The following TSN variants were observed in gnomAD, a reference collection of about 807,000 sequenced individuals.
The protein encoded by TSN is component 3 of promoter of RISC.
A neutral mutation model predicts 29.4 loss-of-function variants in TSN; 5 were observed. The ratio of observed to expected loss-of-function variants is 0.17; its 90% confidence interval spans 0.09 to 0.36. The LOEUF (loss-of-function observed/expected upper bound fraction) is 0.36. Among genes scored for constraint, TSN ranks in the 10% least tolerant of loss-of-function variants. The pLI, the probability that TSN is intolerant of heterozygous loss-of-function variation, is 1.00. For missense variants in TSN, 159 were observed against 272.8 expected, an observed-to-expected ratio of 0.58 and a Z score of 2.94; for synonymous variants, 106 against 102.2, an observed-to-expected ratio of 1.04 and a Z score of -0.23.
At chr2:121,755,970 C>T (rs1303092571) in intron 1 of TSN, 125 bp downstream of exon 1, 8 of 1,526,350 alleles carry the variant, frequency 5.2e-6, no homozygotes, top group Non-Finnish European at 7.0e-6. Context: ...TGCTTCCCCT[C>T]TAGCTTTAGG....
chr2:121,761,993 ATT>A (rs752583785), intron 4 of TSN, among the ~76,000 whole-genome samples: 1 of 129,098 alleles, frequency 7.7e-6, no homozygotes, highest in Admixed American at 7.8e-5. Flanking sequence ...AATTTTTTGT[ATT>A]TTTTTTTTTT....
At chr2:121,757,719 C>G (rs2074770281) in intron 2 of TSN, 1 of 185,960 alleles carries the variant, frequency 5.4e-6, no homozygotes, top group Non-Finnish European at 1.1e-5. Context: ...TGCAGTGGTG[C>G]CATCTCAGCT....
At chr2:121,757,094 T>C (rs1488390782) in intron 1 of TSN, 146 bp from the exon 2 acceptor site, 1 of 717,254 alleles carries the variant, frequency 1.4e-6, no homozygotes, top group Non-Finnish European at 2.2e-6. Context: ...TTTAGTGACT[T>C]TTTGAAGTCT....
At chr2:121,756,602 A>T in intron 1 of TSN, 1 of 1,297,026 alleles carries the variant, frequency 7.7e-7, no homozygotes, top group Non-Finnish European at 1.0e-6. Context: ...TGCTCAGTGA[A>T]TATTTTAAAA....
At position 121,767,041 on chromosome 2, in the gene TSN, A is replaced by G. The variant is rs2074910812; in HGVS notation, c.*1674A>G. 1 of 152,210 alleles carries G rather than the reference A, an allele frequency of 6.6e-6. No individual in the cohort carries two copies. Among genetic ancestry groups the G allele is most frequent in the African/African-American group, 2.4e-5 (1 of 41,452 alleles). 9.4% of individuals were successfully genotyped at this position (152,210 alleles called of 1,614,324 possible). ...CAAGCATGAAAGGCTTTTAAATTAG[A>G]TCATCCCACAGACAATACGTTTGAT... is the stretch of plus-strand genomic sequence containing the variant. On this transcript the variant is annotated 3_prime_UTR_variant, in exon 6 of 6. Transcript: ENST00000389682.
intron 2 of TSN, chr2:121,757,658 A>AC: frequency 4.3e-6 from 1 of 234,574 alleles, no homozygotes. Context: ...TTATTTTTTT[A>AC]ATTTTTTTTT....
Position 121,756,559 on chromosome 2 carries a change from C to T in TSN, c.67-681C>T, listed in dbSNP as rs558885628. 1.0e-5 allele frequency: 11 copies of T among 1,063,302 alleles called. No homozygotes were observed. In the East Asian group the frequency reaches 4.1e-4, roughly 39 times the overall value. 65.9% of individuals were successfully genotyped at this position (1,063,302 alleles called of 1,614,324 possible). On this transcript the variant is annotated intron_variant, in intron 1 of 5. Coordinates refer to ENST00000389682, the MANE Select transcript of TSN (RefSeq NM_004622.3). Reference sequence around the variant, plus strand: ...AGGGAAGGGATTGTGTGCTTGGTTCCCCGGTATTTACACAGTGCCTCGCAC... The same window carrying T: ...AGGGAAGGGATTGTGTGCTTGGTTCTCCGGTATTTACACAGTGCCTCGCAC...
chr2:121,763,072 T>C lies in TSN; in HGVS notation c.441T>C (p.Leu147=). 1 of 1,609,624 alleles carries C rather than the reference T, an allele frequency of 6.2e-7. No homozygotes were observed. Among genetic ancestry groups the C allele is most frequent in the Non-Finnish European group, 8.5e-7 (1 of 1,178,490 alleles). Residue 147 remains leucine, a synonymous_variant, in exon 5 of 6, where the codon CTT becomes CTC. Transcript: ENST00000389682. The stretch of plus-strand genomic sequence containing the variant: ...ATTATCTCTCAGGAGTTCTAATTCT[T>C]GCCAGTGAACTGGTAAGCTCAGTAA... ...VEDYLSGVLI[L]ASELSRLSVN...
intron 4 of TSN, among the ~76,000 whole-genome samples, chr2:121,761,794 A>G (rs2074831997): frequency 2.0e-5 from 3 of 151,860 alleles, no homozygotes; most frequent in Admixed American, 6.6e-5. Flanking sequence ...GATTTCTTAA[A>G]ATATCTAATA....
In TSN at chr2:121,765,604, T is replaced by G. The variant is rs2074891492; in HGVS notation, c.*237T>G. Reference sequence around the variant, plus strand: ...TGAATATGCCTGTAATTCAGTGTATTTCAGTTCCGTCAGAAAGTGTAAATG... The same window carrying G: ...TGAATATGCCTGTAATTCAGTGTATGTCAGTTCCGTCAGAAAGTGTAAATG... On this transcript the variant is annotated 3_prime_UTR_variant, in exon 6 of 6. Coordinates refer to ENST00000389682, the MANE Select transcript of TSN (RefSeq NM_004622.3). 1.1e-5 allele frequency: 6 copies of G among 541,946 alleles called. No homozygotes were observed. In the East Asian group the frequency reaches 1.5e-4, roughly 14 times the overall value. The allele number at this position is 541,946 out of a possible 1,614,324, so 33.6% of individuals were successfully genotyped here.
In TSN at chr2:121,765,491, G is replaced by C. The variant is rs531962939; in HGVS notation, c.*124G>C. ...ACACTGCGCTTTATTTTCTTAACCA[G>C]TTGTGGTGTGAGTATCAGAATTGAA... On this transcript the variant is annotated 3_prime_UTR_variant, in exon 6 of 6. Transcript: ENST00000389682. The C allele has an allele frequency of 2.2e-5, 19 of 867,412 alleles. No individual in the cohort carries two copies. In the African/African-American group the frequency reaches 3.0e-4, roughly 14 times the overall value. 53.7% of individuals were successfully genotyped at this position (867,412 alleles called of 1,614,324 possible).
Position 121,765,300 on chromosome 2 carries a change from A to C in TSN, c.620A>C (p.Glu207Ala). 6.2e-7 allele frequency: 1 copy of C among 1,614,204 alleles called. No homozygotes were observed. Among genetic ancestry groups the C allele is most frequent in the Non-Finnish European group, 8.5e-7 (1 of 1,180,042 alleles). The change falls in exon 6 of 6, where the codon GAA becomes GCA. Residue 207 changes from glutamate to alanine, a missense_variant. Around this residue, in one of 3 missense-constraint regions of TSN, gnomAD observed 85 missense variants for 178.1 expected, o/e 0.48. Coordinates refer to ENST00000389682, the MANE Select transcript of TSN (RefSeq NM_004622.3). ...AAATATGACGTGAAGAAAGTAGAGG[A>C]AGTGGTCTATGATCTCTCCATCCGG... ...GLKYDVKKVE[E>A]VVYDLSIRGF...
At chr2:121,756,463 A>G (rs1465608153) in intron 1 of TSN, 2 of 255,550 alleles carry the variant, frequency 7.8e-6, no homozygotes, top group Non-Finnish European at 1.7e-5. Flanking sequence ...TAGCACATTA[A>G]CTTTTTTTAA....
At chr2:121,761,705 G>A (rs1359505652) in intron 4 of TSN, among the ~76,000 whole-genome samples, 181 bp downstream of exon 4, 1 of 152,136 alleles carries the variant, frequency 6.6e-6, no homozygotes, top group Non-Finnish European at 1.5e-5. Flanking sequence ...ATCTGAGGAT[G>A]TTCAAGTCCC....
At chr2:121,760,119 A>C (rs1006200501) in intron 3 of TSN, among the ~76,000 whole-genome samples, 1 of 152,134 alleles carries the variant, frequency 6.6e-6, no homozygotes. Flanking sequence ...CTTCATCTGT[A>C]TTTACAGCCG....
At chr2:121,756,290 C>T (rs761999172) in intron 1 of TSN, 11 of 248,920 alleles carry the variant, frequency 4.4e-5, no homozygotes, top group African/African-American at 2.3e-4. Context: ...TGCTCTCTGT[C>T]TTTGTGTATG....
chr2:121,763,347 G>T (rs929249511), intron 5 of TSN, among the ~76,000 whole-genome samples: 5 of 151,788 alleles, frequency 3.3e-5, no homozygotes. Flanking sequence ...GGGTTTCACC[G>T]TGTTAGCCAG....
chr2:121,758,695 A>T lies in TSN; in HGVS notation c.161-15A>T, dbSNP rs1171020958. 2 of 1,539,470 alleles carry T rather than the reference A, an allele frequency of 1.3e-6. No homozygotes were observed. Among genetic ancestry groups the T allele is most frequent in the African/African-American group, 2.8e-5 (2 of 71,832 alleles). ...ATTTGGTTAAGTTTTTCATTTGGTT[A>T]TCTTTTGTGACTAGTTCCAAAGAGG... On this transcript the variant is annotated splice_polypyrimidine_tract_variant and intron_variant, in intron 2 of 5. Coordinates refer to ENST00000389682, the MANE Select transcript of TSN (RefSeq NM_004622.3).
chr2:121,760,287 G>A (rs187334153), intron 3 of TSN, among the ~76,000 whole-genome samples: 72 of 152,282 alleles, frequency 4.7e-4, no homozygotes, highest in African/African-American at 1.7e-3. Context: ...GATCTGAAGT[G>A]GAACAGTTTC....
Sources: allele counts gnomAD v4.1 joint callset (sites outside exome capture counted in the v4.1 genomes callset), GRCh38; gene constraint gnomAD v4.1.1; regional missense constraint gnomAD v4.1.1; transcripts MANE v1.5; gene names NCBI Gene and HGNC (gene_info 2026-07-23, HGNC 2026-07-21).